The following SLMAP variants were observed in gnomAD, a reference collection of about 807,000 sequenced individuals.
SLMAP encodes sarcolemma associated protein.
Under a neutral mutation model 128.8 loss-of-function variants are expected in SLMAP, and 44 were observed. The ratio of observed to expected loss-of-function variants is 0.34; its 90% CI spans 0.27 to 0.44. The LOEUF (loss-of-function observed/expected upper bound fraction) is 0.44. Ranked by LOEUF, SLMAP falls within the 20% of genes least tolerant of loss-of-function variation. The probability of loss-of-function intolerance (pLI) is 1.00; values close to 1 mark genes in which losing one functional copy is unlikely to be tolerated. For missense variants in SLMAP, 787 were observed against 985.3 expected, an observed-to-expected ratio of 0.80 and a Z score of 2.69; for synonymous variants, 327 against 348.8, an observed-to-expected ratio of 0.94 and a Z score of 0.70.
intron 2 of SLMAP, among the ~76,000 whole-genome samples, chr3:57,793,390 A>G (rs1174922694): frequency 6.6e-6 from 1 of 152,202 alleles, no homozygotes; most frequent in Non-Finnish European, 1.5e-5. Context: ...AGTGCTGTTG[A>G]TTCATTTAGC....
At chr3:57,793,433 A>G (rs1471633903) in intron 2 of SLMAP, among the ~76,000 whole-genome samples, 1 of 152,174 alleles carries the variant, frequency 6.6e-6, no homozygotes, top group Non-Finnish European at 1.5e-5. Flanking sequence ...GCTGAGCTCA[A>G]TTCTATAATT....
intron 8 of SLMAP, 149 bp downstream of exon 8, chr3:57,858,308 A>C: frequency 1.7e-6 from 1 of 590,194 alleles, no homozygotes. Context: ...TCAGACATCC[A>C]TGTAAATAAA....
chr3:57,760,048 TTG>T (rs1227151451), intron 2 of SLMAP, among the ~76,000 whole-genome samples: 1 of 152,234 alleles, frequency 6.6e-6, no homozygotes, highest in African/African-American at 2.4e-5. Context: ...CAAGCGATTC[TTG>T]TGTCTTAGCC....
At chr3:57,907,350 T>C (rs2096595588) in intron 17 of SLMAP, among the ~76,000 whole-genome samples, 1 of 152,214 alleles carries the variant, frequency 6.6e-6, no homozygotes, top group Non-Finnish European at 1.5e-5. Context: ...TATGTGCGTG[T>C]TGGGGAAATG....
In SLMAP at chr3:57,847,182, A is replaced by G; in HGVS notation, c.420-15A>G. 2 of 1,580,012 alleles carry G rather than the reference A, an allele frequency of 1.3e-6. 1 individual carries two copies. Among genetic ancestry groups the G allele is most frequent in the Non-Finnish European group, 1.7e-6 (2 of 1,155,656 alleles). The stretch of plus-strand genomic sequence containing the variant: ...GTCCGGATATTAGATAAAACTTCTA[A>G]ATTTTACTTTTCAGTGTCATCCATG... On this transcript the variant is annotated splice_polypyrimidine_tract_variant and intron_variant, in intron 4 of 24. Transcript: ENST00000671191.
At position 57,883,191 on chromosome 3, in the gene SLMAP, C is replaced by G. The variant is rs146793796; in HGVS notation, c.1301-6850C>G. Among the ~76,000 whole-genome samples the G allele has an allele frequency of 1.4e-3, 218 of 152,110 alleles. 1 individual carries two copies. The highest frequency in any genetic ancestry group is 5.0e-3 in the African/African-American group (207 of 41,496). ...ACCTTAAGAGAGATAGGAATAGAGG[C>G]TTAGTGAGGAGAGATTCCAAACATA... On this transcript the variant is annotated intron_variant, in intron 14 of 24. Coordinates refer to ENST00000671191, the MANE Select transcript of SLMAP (RefSeq NM_001377540.1).
At chr3:57,912,744 T>C (rs1239824623) in intron 20 of SLMAP, 43 bp downstream of exon 20, 1 of 1,444,870 alleles carries the variant, frequency 6.9e-7, no homozygotes, top group Admixed American at 2.0e-5. Flanking sequence ...CTTTTGACAA[T>C]GATAACTTCT....
intron 17 of SLMAP, among the ~76,000 whole-genome samples, chr3:57,905,771 AATT>A (rs1376529635): frequency 6.6e-6 from 1 of 152,128 alleles, no homozygotes; most frequent in Non-Finnish European, 1.5e-5. Context: ...TTGATTATCA[AATT>A]ATTAACATAC....
At chr3:57,903,268 A>G (rs922718159) in intron 17 of SLMAP, among the ~76,000 whole-genome samples, 6 of 152,336 alleles carry the variant, frequency 3.9e-5, no homozygotes, top group African/African-American at 1.4e-4. Flanking sequence ...CGTACCCACA[A>G]TGGAAAGATG....
At chr3:57,758,271 A>T (rs185953743) in intron 2 of SLMAP, among the ~76,000 whole-genome samples, 24 of 152,350 alleles carry the variant, frequency 1.6e-4, no homozygotes, top group Admixed American at 1.4e-3. Context: ...GGTGAAATGT[A>T]GTTAACACAT....
chr3:57,888,980 G>A (rs1308520069), intron 14 of SLMAP, among the ~76,000 whole-genome samples: 2 of 151,952 alleles, frequency 1.3e-5, no homozygotes, highest in Non-Finnish European at 2.9e-5. Context: ...CGCCTCCTGG[G>A]TTCACACCAT....
chr3:57,919,795 CAAA>C (rs773758598), intron 22 of SLMAP, among the ~76,000 whole-genome samples: 3 of 119,204 alleles, frequency 2.5e-5, no homozygotes, highest in Admixed American at 8.9e-5. Flanking sequence ...AACTCCATCT[CAAA>C]AAAAAAAAAA....
In SLMAP at chr3:57,843,693, T is replaced by G. The variant is rs137960139; in HGVS notation, c.419+2322T>G. 6.2e-4 allele frequency among the ~76,000 whole-genome samples: 89 copies of G among 143,898 alleles called. 1 individual carries two copies. The East Asian group carries it at 0.018, about 29-fold the overall frequency. The allele number at this position is 143,898 out of a possible 152,430, so 94.4% of individuals were successfully genotyped here. ...AAAGAGGCCCAGCCAATAATTGCCTTCCTTCCTTCCTTTTCTTTCTTTCTT... is the reference window on the plus strand; with the variant it reads ...AAAGAGGCCCAGCCAATAATTGCCTGCCTTCCTTCCTTTTCTTTCTTTCTT... On this transcript the variant is annotated intron_variant, in intron 4 of 24. Coordinates refer to ENST00000671191, the MANE Select transcript of SLMAP (RefSeq NM_001377540.1).
chr3:57,875,531 A>G (rs967063246), intron 14 of SLMAP, among the ~76,000 whole-genome samples: 2 of 152,194 alleles, frequency 1.3e-5, no homozygotes, highest in Non-Finnish European at 2.9e-5. Context: ...AAAAACAACA[A>G]CAAAACAAAA....
chr3:57,898,715 C>T (rs1484529694), intron 17 of SLMAP: 2 of 152,134 alleles, frequency 1.3e-5, no homozygotes, highest in African/African-American at 4.8e-5. Flanking sequence ...TGATAATGGA[C>T]TTCTTACATT....
intron 23 of SLMAP, among the ~76,000 whole-genome samples, chr3:57,924,063 A>T (rs2096960425): frequency 6.6e-6 from 1 of 152,212 alleles, no homozygotes; most frequent in African/African-American, 2.4e-5. Context: ...TTTTGTGTTA[A>T]TTCATATCCC....
chr3:57,908,892 C>G (rs949486661), intron 18 of SLMAP, among the ~76,000 whole-genome samples, 184 bp from the exon 19 acceptor site: 3 of 152,320 alleles, frequency 2.0e-5, no homozygotes, highest in Admixed American at 6.5e-5. Flanking sequence ...TTATTACTTA[C>G]TACAGTTCTG....
In SLMAP at chr3:57,927,344, G is replaced by A. The variant is rs1210310709; in HGVS notation, c.*55G>A. The A allele has an allele frequency of 3.1e-6, 5 of 1,607,392 alleles. No individual in the cohort carries two copies. In the Admixed American group the frequency reaches 5.0e-5, roughly 16 times the overall value. On this transcript the variant is annotated 3_prime_UTR_variant, in exon 25 of 25. Transcript: ENST00000671191. ...GTTGGCTGCCCTGGTTGCAGTAACAGCCATCGTGCTGTACGTGCCAGGTCT... is the reference window on the plus strand; with the variant it reads ...GTTGGCTGCCCTGGTTGCAGTAACAACCATCGTGCTGTACGTGCCAGGTCT...
Position 57,775,790 on chromosome 3 carries a change from C to T in SLMAP, c.198+17941C>T, listed in dbSNP as rs569276265. On this transcript the variant is annotated intron_variant, in intron 2 of 24. Coordinates refer to ENST00000671191, the MANE Select transcript of SLMAP (RefSeq NM_001377540.1). Reference sequence around the variant, plus strand: ...TCTTGGCTCACTGCAACCTCTGCCTCCCGGGTTCAAGTGATCTATTGCCTG... The same window carrying T: ...TCTTGGCTCACTGCAACCTCTGCCTTCCGGGTTCAAGTGATCTATTGCCTG... Among the ~76,000 whole-genome samples the T allele has an allele frequency of 2.6e-5, 4 of 152,238 alleles. 1 individual carries two copies. The South Asian group carries it at 8.3e-4, about 32-fold the overall frequency.
Sources: gnomAD v4.1 joint callset for allele counts (sites outside exome capture counted in the v4.1 genomes callset) on GRCh38, gnomAD v4.1.1 for gene constraint, MANE v1.5 for transcripts, NCBI Gene and HGNC (gene_info 2026-07-23, HGNC 2026-07-21) for gene names.